NUDT6: variants seen among roughly 807,000 people sequenced by gnomAD.
NUDT6 encodes FAD diphosphatase NUDT6.
Under a neutral mutation model 36.8 loss-of-function variants are expected in NUDT6, and 24 were observed. The ratio of observed to expected loss-of-function variants is 0.65; its 90% confidence interval spans 0.47 to 0.92. NUDT6 has a LOEUF of 0.92. Among genes scored for constraint, NUDT6 ranks in the 40% least tolerant of loss-of-function variants. NUDT6 has a pLI of 0.00. For missense variants in NUDT6, 388 were observed against 392.8 expected (o/e 0.99, Z 0.10); for synonymous variants, 163 against 157.0 (o/e 1.04, Z -0.29).
intron 3 of NUDT6, among the ~76,000 whole-genome samples, chr4:122,908,816 G>T (rs1237007640): frequency 6.6e-6 from 1 of 152,074 alleles, no homozygotes; most frequent in Non-Finnish European, 1.5e-5. Context: ...TCTGAGTAAA[G>T]GAAAACAATT....
intron 2 of NUDT6, among the ~76,000 whole-genome samples, chr4:122,916,315 G>T (rs1343566492): frequency 2.0e-5 from 3 of 152,150 alleles, no homozygotes; most frequent in African/African-American, 7.2e-5. Flanking sequence ...ACTTTCCTAT[G>T]TCTCTGAAGC....
At chr4:122,918,266 T>A (rs1173736842) in intron 1 of NUDT6, 2 of 152,582 alleles carry the variant, frequency 1.3e-5, no homozygotes, top group East Asian at 3.8e-4. Flanking sequence ...AAATTCTAAT[T>A]TTTCCTTATT....
chr4:122,922,842 G>A (rs1295150546), upstream of NUDT6: 1 of 566,286 alleles, frequency 1.8e-6, no homozygotes, highest in African/African-American at 1.9e-5. Context: ...GTTGGTTTAG[G>A]GATGGGGAAG....
At chr4:122,915,027 G>A (rs966355677) in intron 2 of NUDT6, among the ~76,000 whole-genome samples, 2 of 152,076 alleles carry the variant, frequency 1.3e-5, no homozygotes, top group Non-Finnish European at 2.9e-5. Context: ...GAAGGGTCAG[G>A]GGCTTTTCTG....
At chr4:122,905,914 C>G (rs72674943) in intron 3 of NUDT6, among the ~76,000 whole-genome samples, 16,803 of 152,250 alleles carry the variant, frequency 0.11, 1,031 homozygotes, top group Middle Eastern at 0.22. Context: ...TTTAAGTACA[C>G]TGTCCTAATA....
At chr4:122,913,407 C>T (rs1202725680) in intron 2 of NUDT6, 1 of 152,130 alleles carries the variant, frequency 6.6e-6, no homozygotes, top group African/African-American at 2.4e-5. Context: ...CTCCCAAAGG[C>T]CCCACCTCTT....
chr4:122,894,417 A>T (rs1727286896), intron 4 of NUDT6: 1 of 152,274 alleles, frequency 6.6e-6, no homozygotes, highest in African/African-American at 2.4e-5. Context: ...CCCCGTCTCT[A>T]CAAAAAAACA....
At chr4:122,904,128 A>C (rs900203277) in intron 3 of NUDT6, among the ~76,000 whole-genome samples, 2 of 152,172 alleles carry the variant, frequency 1.3e-5, no homozygotes, top group Non-Finnish European at 2.9e-5. Flanking sequence ...TAATCCCCTG[A>C]GTAGGAGTGG....
intron 2 of NUDT6, among the ~76,000 whole-genome samples, chr4:122,914,964 T>C (rs959193431): frequency 5.3e-5 from 8 of 151,938 alleles, no homozygotes; most frequent in Non-Finnish European, 1.2e-4. Flanking sequence ...TAGAGCTGGA[T>C]AAAGGGACAA....
intron 3 of NUDT6, among the ~76,000 whole-genome samples, chr4:122,910,302 C>CA (rs1294145380): frequency 6.6e-6 from 1 of 152,050 alleles, no homozygotes; most frequent in African/African-American, 2.4e-5. Flanking sequence ...AAAATCTACT[C>CA]AAAAAACATA....
upstream of NUDT6, chr4:122,922,622 A>G (rs747101108): frequency 1.3e-6 from 2 of 1,493,228 alleles, no homozygotes; most frequent in South Asian, 1.2e-5. Flanking sequence ...TCCGCGCTCC[A>G]GAGCGGAGAT....
chr4:122,904,283 T>C (rs1248844975), intron 3 of NUDT6, among the ~76,000 whole-genome samples: 2 of 152,140 alleles, frequency 1.3e-5, no homozygotes, highest in East Asian at 3.8e-4. Flanking sequence ...TATCCCCTTT[T>C]ATTAAGATGA....
chr4:122,917,882 A>G, intron 1 of NUDT6, 178 bp from the exon 2 acceptor site: 1 of 596,694 alleles, frequency 1.7e-6, no homozygotes, highest in African/African-American at 1.9e-5. Flanking sequence ...CACCTTGTTT[A>G]TATGATTTTT....
chr4:122,912,499 C>A (rs1417027401), intron 3 of NUDT6, 69 bp downstream of exon 3: 1 of 1,130,806 alleles, frequency 8.8e-7, no homozygotes, highest in Admixed American at 1.9e-5. Context: ...ATTAAAATTT[C>A]TATATTTTAT....
intron 1 of NUDT6, chr4:122,920,087 C>T (rs1301922828): frequency 6.6e-6 from 1 of 152,166 alleles, no homozygotes; most frequent in Non-Finnish European, 1.5e-5. Flanking sequence ...AGTTCATGTT[C>T]TAAAAGAATA....
At chr4:122,922,627 G>T, upstream of NUDT6, 1 of 1,460,262 alleles carries the variant, frequency 6.8e-7, no homozygotes, top group Non-Finnish European at 9.3e-7. Context: ...GCTCCAGAGC[G>T]GAGATCGCGG....
chr4:122,905,250 C>T (rs1045206074), intron 3 of NUDT6, among the ~76,000 whole-genome samples: 3 of 152,146 alleles, frequency 2.0e-5, no homozygotes, highest in African/African-American at 7.2e-5. Flanking sequence ...CTTCACCCCT[C>T]AATATGATAG....
intron 4 of NUDT6, chr4:122,895,995 G>T (rs1403264160): frequency 6.6e-6 from 1 of 152,556 alleles, no homozygotes; most frequent in Non-Finnish European, 1.5e-5. Context: ...TAGTCTTTCA[G>T]ACCTCTACTG....
intron 2 of NUDT6, among the ~76,000 whole-genome samples, chr4:122,917,100 C>A (rs1458361805): frequency 6.6e-6 from 1 of 152,162 alleles, no homozygotes; most frequent in Non-Finnish European, 1.5e-5. Flanking sequence ...CCTCACTTCA[C>A]CTCATCGTGC....
Sources: allele counts gnomAD v4.1 joint callset (sites outside exome capture counted in the v4.1 genomes callset), GRCh38; gene constraint gnomAD v4.1.1; transcripts MANE v1.5; gene names NCBI Gene and HGNC (gene_info 2026-07-23, HGNC 2026-07-21).